LNPEP: variants seen among roughly 807,000 people sequenced by gnomAD.
The protein encoded by LNPEP is leucyl and cystinyl aminopeptidase.
A neutral mutation model predicts 120.6 loss-of-function variants in LNPEP; 64 were observed. The observed-to-expected ratio is 0.53, with a 90% CI of 0.43 to 0.65. The LOEUF (loss-of-function observed/expected upper bound fraction) is 0.65. Ranked by LOEUF, LNPEP falls within the 30% of genes least tolerant of loss-of-function variation. The pLI is 0.00. For missense variants in LNPEP, 1,057 were observed against 1,200.0 expected, an observed-to-expected ratio of 0.88 and a Z score of 1.76; for synonymous variants, 435 against 425.4, an observed-to-expected ratio of 1.02 and a Z score of -0.28.
At chr5:97,020,968 A>T (rs1454566478) in intron 13 of LNPEP, among the ~76,000 whole-genome samples, 1 of 152,158 alleles carries the variant, frequency 6.6e-6, no homozygotes, top group Non-Finnish European at 1.5e-5. Flanking sequence ...TCGACATGGT[A>T]TTAACAGGTT....
In LNPEP at chr5:97,022,424, A is replaced by G; in HGVS notation, c.2501A>G (p.Asn834Ser). 3 of 1,614,078 alleles carry G rather than the reference A, an allele frequency of 1.9e-6. No homozygotes were observed. Among genetic ancestry groups the G allele is most frequent in the Non-Finnish European group, 2.5e-6 (3 of 1,179,972 alleles). ...LEFACTHNLG[N>S]CSTTAMKLFD... The stretch of plus-strand genomic sequence containing the variant: ...TTTGCTTGCACCCACAACCTGGGGA[A>G]CTGCTCTACTACTGCCATGAAACTG... The change falls in exon 14 of 18, where the codon AAC becomes AGC. Residue 834 changes from asparagine (N) to serine (S), a missense_variant. Coordinates refer to ENST00000231368, the MANE Select transcript of LNPEP (RefSeq NM_005575.3).
Position 97,015,046 on chromosome 5 carries a change from A to G in LNPEP, c.2327A>G (p.Tyr776Cys), listed in dbSNP as rs1409523989. The change falls in exon 13 of 18, where the codon TAT becomes TGT. Residue 776 changes from tyrosine to cysteine, a missense_variant. Coordinates refer to ENST00000231368, the MANE Select transcript of LNPEP (RefSeq NM_005575.3). Reference sequence around the variant, plus strand: ...GCCCTGTTTCAGACAGACCTCATCTATAACCTCCTTGAAAAACTGGGATAC... The same window carrying G: ...GCCCTGTTTCAGACAGACCTCATCTGTAACCTCCTTGAAAAACTGGGATAC... The part of the protein sequence containing the change: ...TEALFQTDLI[Y>C]NLLEKLGYMD... 3.8e-6 allele frequency: 6 copies of G among 1,597,068 alleles called. No homozygotes were observed. The highest frequency in any genetic ancestry group is 5.1e-6 in the Non-Finnish European group (6 of 1,172,482).
rs1791550902 is a variant in LNPEP, at chr5:97,035,252, A to T, written c.*6719A>T. 1 of 152,026 alleles carries T rather than the reference A, an allele frequency of 6.6e-6. No homozygotes were observed. The highest frequency in any genetic ancestry group is 1.5e-5 in the Non-Finnish European group (1 of 67,974). The allele number at this position is 152,026 out of a possible 1,614,324, so 9.4% of individuals were successfully genotyped here. ...TTTTAAAGATGTATATAAATGTTTC[A>T]TGTTATTGGTTTTGTACCTAGTCCT... On this transcript the variant is annotated 3_prime_UTR_variant, in exon 18 of 18. Transcript: ENST00000231368.
chr5:97,027,818 G>A lies in LNPEP; in HGVS notation c.2946+4G>A, dbSNP rs757324204. On this transcript the variant is annotated splice_donor_region_variant and intron_variant, in intron 17 of 17. Coordinates refer to ENST00000231368, the MANE Select transcript of LNPEP (RefSeq NM_005575.3). ...AACAAAGACACATTTATCTGAGGTTGGTTTTATAAAATGATAATACAGAGA... is the reference window on the plus strand; with the variant it reads ...AACAAAGACACATTTATCTGAGGTTAGTTTTATAAAATGATAATACAGAGA... The A allele has an allele frequency of 9.5e-6, 15 of 1,587,278 alleles. No homozygotes were observed. Among genetic ancestry groups the A allele is most frequent in the Middle Eastern group, 1.7e-4 (1 of 6,008 alleles).
At chr5:97,002,182 G>A (rs1326744640) in intron 8 of LNPEP, among the ~76,000 whole-genome samples, 1 of 152,048 alleles carries the variant, frequency 6.6e-6, no homozygotes, top group Non-Finnish European at 1.5e-5. Context: ...GTAGAGTGAT[G>A]ATTAGAAGAT....
At chr5:96,936,408 C>G (rs535476242) in intron 1 of LNPEP, 5 of 404,870 alleles carry the variant, frequency 1.2e-5, no homozygotes, top group African/African-American at 6.2e-5. Context: ...CGCCGCTCGC[C>G]CGGGGTGCGG....
chr5:96,944,506 A>G lies in LNPEP; in HGVS notation c.19+8332A>G, dbSNP rs1051533569. Among the ~76,000 whole-genome samples, 26 of 136,994 alleles carry G rather than the reference A, an allele frequency of 1.9e-4. 1 individual carries two copies. Among genetic ancestry groups the G allele is most frequent in the Admixed American group, 1.2e-3 (17 of 13,734 alleles). 89.9% of individuals were successfully genotyped at this position (136,994 alleles called of 152,430 possible). On this transcript the variant is annotated intron_variant, in intron 1 of 17. Transcript: ENST00000231368. The stretch of plus-strand genomic sequence containing the variant: ...GGGATAACTCAAAGCGGGGACTTCT[A>G]TTCCAGTTCATAGGTGGATTCAAAG...
intron 8 of LNPEP, among the ~76,000 whole-genome samples, chr5:97,003,118 T>G (rs976289800): frequency 6.6e-6 from 1 of 152,164 alleles, no homozygotes; most frequent in African/African-American, 2.4e-5. Context: ...TACTTAGCTT[T>G]TCAACACTAA....
intron 1 of LNPEP, among the ~76,000 whole-genome samples, chr5:96,951,264 G>GT (rs1561428452): frequency 8.0e-5 from 12 of 150,436 alleles, no homozygotes; most frequent in Non-Finnish European, 1.3e-4. Context: ...TCTTTTTTTG[G>GT]CGGGGGGCGC....
At chr5:96,987,740 C>T (rs1013277951) in intron 4 of LNPEP, among the ~76,000 whole-genome samples, 31 of 152,116 alleles carry the variant, frequency 2.0e-4, no homozygotes, top group African/African-American at 6.8e-4. Flanking sequence ...GTTCACTCAC[C>T]TTTGGATTGA....
chr5:97,014,123 AT>A (rs1188376201), intron 12 of LNPEP, among the ~76,000 whole-genome samples: 1 of 152,080 alleles, frequency 6.6e-6, no homozygotes, highest in Non-Finnish European at 1.5e-5. Flanking sequence ...GCTCTATTTT[AT>A]TTTATAAGAG....
chr5:96,990,079 T>A (rs146939736), intron 4 of LNPEP, among the ~76,000 whole-genome samples: 1 of 152,336 alleles, frequency 6.6e-6, no homozygotes, highest in African/African-American at 2.4e-5. Context: ...GAGGCAACTG[T>A]AACACAAGAT....
chr5:97,029,961 G>T lies in LNPEP; in HGVS notation c.*1428G>T, dbSNP rs970665678. The T allele has an allele frequency of 3.4e-4, 51 of 152,016 alleles. No homozygotes were observed. Among genetic ancestry groups the T allele is most frequent in the African/African-American group, 1.2e-3 (51 of 41,512 alleles). 9.4% of individuals were successfully genotyped at this position (152,016 alleles called of 1,614,324 possible). A position where few individuals can be genotyped will look rare whatever the true frequency, so the allele number is the denominator to read the frequency against. On this transcript the variant is annotated 3_prime_UTR_variant, in exon 18 of 18. Coordinates refer to ENST00000231368, the MANE Select transcript of LNPEP (RefSeq NM_005575.3). ...ATAATTCTTGAGAACTTTATATTTT[G>T]TTTGAAAACAGTTTCTATGTACATA...
intron 4 of LNPEP, among the ~76,000 whole-genome samples, chr5:96,990,624 A>G (rs1790367984): frequency 1.3e-5 from 2 of 152,214 alleles, no homozygotes; most frequent in East Asian, 3.9e-4. Flanking sequence ...CCTCACAGCA[A>G]CTCTGTGAGG....
At chr5:97,015,976 T>C (rs922137317) in intron 13 of LNPEP, among the ~76,000 whole-genome samples, 2 of 152,098 alleles carry the variant, frequency 1.3e-5, no homozygotes, top group African/African-American at 2.4e-5. Flanking sequence ...CACAACCTTC[T>C]TTCTGCCTCT....
At chr5:97,026,854 G>A (rs1274050367) in intron 16 of LNPEP, 97 bp downstream of exon 16, 2 of 1,006,266 alleles carry the variant, frequency 2.0e-6, no homozygotes, top group Non-Finnish European at 3.0e-6. Context: ...AGGATTTGCT[G>A]TGAGAGGAAA....
rs577812206 is a variant in LNPEP, at chr5:96,961,651, C to A, written c.20-17487C>A. Among the ~76,000 whole-genome samples the A allele has an allele frequency of 3.0e-4, 45 of 152,196 alleles. 2 individuals are homozygous for A. In the South Asian group the frequency reaches 6.4e-3, roughly 22 times the overall value. ...GGATTGGTTCCAGGATCCCCTCCCCCCTACCAAAATCCACCAATATTCAAT... is the reference window on the plus strand; with the variant it reads ...GGATTGGTTCCAGGATCCCCTCCCCACTACCAAAATCCACCAATATTCAAT... On this transcript the variant is annotated intron_variant, in intron 1 of 17. Transcript: ENST00000231368.
At chr5:96,982,817 A>G (rs1790156109) in intron 2 of LNPEP, among the ~76,000 whole-genome samples, 1 of 152,202 alleles carries the variant, frequency 6.6e-6, no homozygotes, top group South Asian at 2.1e-4. Flanking sequence ...ACAAAACAAA[A>G]AAAGTACACA....
chr5:96,995,797 C>T (rs1790502880), intron 6 of LNPEP, among the ~76,000 whole-genome samples: 1 of 152,194 alleles, frequency 6.6e-6, no homozygotes, highest in Non-Finnish European at 1.5e-5. Flanking sequence ...ACTGGGATTA[C>T]AGGTGTAAGC....
Sources: allele counts gnomAD v4.1 joint callset (sites outside exome capture counted in the v4.1 genomes callset), GRCh38; gene constraint gnomAD v4.1.1; transcripts MANE v1.5; gene names NCBI Gene and HGNC (gene_info 2026-07-23, HGNC 2026-07-21).